The following SLC2A9 variants were observed in gnomAD, a reference collection of about 807,000 sequenced individuals.
SLC2A9 encodes solute carrier family 2, facilitated glucose transporter member 9.
SLC2A9 carries 39 observed loss-of-function variants against 50.6 expected under a neutral mutation model. The ratio of observed to expected loss-of-function variants is 0.77; its 90% CI spans 0.60 to 1.01. SLC2A9 has a LOEUF of 1.01. SLC2A9 is among the 50% of genes least tolerant of loss of function. The pLI is 0.00. For synonymous variants in SLC2A9, 324 were observed against 276.9 expected, an observed-to-expected ratio of 1.17 and a Z score of -1.69; for missense variants, 686 against 677.6, an observed-to-expected ratio of 1.01 and a Z score of -0.14.
chr4:10,038,067 C>T (rs1333850721), intron 1 of SLC2A9, among the ~76,000 whole-genome samples: 2 of 152,034 alleles, frequency 1.3e-5, no homozygotes, highest in African/African-American at 2.4e-5. Context: ...ACAAGGTGTC[C>T]CCATCACACT....
chr4:9,793,621 T>C (rs909123671), intron 3 of SLC2A9, among the ~76,000 whole-genome samples: 6 of 152,240 alleles, frequency 3.9e-5, no homozygotes, highest in East Asian at 3.8e-4. Flanking sequence ...GGAATGTTAA[T>C]TTACAACTGG....
intron 6 of SLC2A9, among the ~76,000 whole-genome samples, chr4:9,933,905 C>A (rs1379873445): frequency 6.6e-6 from 1 of 152,182 alleles, no homozygotes; most frequent in Non-Finnish European, 1.5e-5. Flanking sequence ...TCTCAGATTG[C>A]CACTTCTCTG....
chr4:9,799,692 A>ACCCTCCCC (rs59100769), intron 3 of SLC2A9, among the ~76,000 whole-genome samples: 2 of 69,810 alleles, frequency 2.9e-5, no homozygotes, highest in East Asian at 4.8e-4. Flanking sequence ...TTCCAATTGT[A>ACCCTCCCC]CCCCCCCCCC....
chr4:9,841,023 A>G (rs890235734), intron 10 of SLC2A9, among the ~76,000 whole-genome samples: 2 of 152,158 alleles, frequency 1.3e-5, no homozygotes, highest in Non-Finnish European at 2.9e-5. Flanking sequence ...CCATGATTCA[A>G]TCACCTCCTA....
intron 1 of SLC2A9, among the ~76,000 whole-genome samples, chr4:10,038,174 T>C (rs926762015): frequency 3.3e-5 from 5 of 151,944 alleles, no homozygotes; most frequent in Non-Finnish European, 5.9e-5. Context: ...ATAGTATGTG[T>C]ATATTTGTGA....
chr4:9,949,081 C>A (rs12498956), intron 5 of SLC2A9, among the ~76,000 whole-genome samples: 74,083 of 152,094 alleles, frequency 0.49, 19,429 homozygotes, highest in African/African-American at 0.67. Flanking sequence ...CATCCTTTAC[C>A]TTATAGCATT....
At chr4:9,984,432 G>C (rs1005533071) in intron 4 of SLC2A9, among the ~76,000 whole-genome samples, 1 of 149,328 alleles carries the variant, frequency 6.7e-6, no homozygotes, top group African/African-American at 2.4e-5. Context: ...GAGAGAGACA[G>C]AGAGAGAGAG....
chr4:9,878,965 T>C (rs1288176956), intron 10 of SLC2A9: 1 of 873,906 alleles, frequency 1.1e-6, no homozygotes, highest in Non-Finnish European at 1.4e-6. Flanking sequence ...GCTGTGGTGG[T>C]AGAAAACACC....
rs748137908 is a variant in SLC2A9 at position 9,985,659 on chromosome 4, G to A, written c.535+10C>T. 1 of 1,613,978 alleles carries A rather than the reference G, an allele frequency of 6.2e-7. No homozygotes were observed. Among genetic ancestry groups the A allele is most frequent in the South Asian group, 1.1e-5 (1 of 91,072 alleles). On this transcript the variant is annotated intron_variant, in intron 4 of 11. Transcript: ENST00000264784. ...GTTACTGTTCCCTCCCCGTCATGGT[G>A]AACTCTCACCTCCATCTATGCCCAT...
intron 1 of SLC2A9, among the ~76,000 whole-genome samples, chr4:10,032,967 A>G (rs1224072894): frequency 6.6e-6 from 1 of 152,118 alleles, no homozygotes; most frequent in Admixed American, 6.5e-5. Flanking sequence ...GAGTGCTGCA[A>G]TTAAAAAGAT....
At position 9,970,876 on chromosome 4, in the gene SLC2A9, C is replaced by T. The variant is rs563598993; in HGVS notation, c.681+9716G>A. On this transcript the variant is annotated intron_variant, in intron 5 of 11. Coordinates refer to ENST00000264784, the MANE Select transcript of SLC2A9 (RefSeq NM_020041.3). The stretch of plus-strand genomic sequence containing the variant: ...TAAACCTAGTAGTTAAAATTCCACC[C>T]CTGACCTAGCAACTGATGTTATCTA... 4.6e-5 allele frequency among the ~76,000 whole-genome samples: 7 copies of T among 152,308 alleles called. 1 individual carries two copies. In the South Asian group the frequency reaches 1.5e-3, roughly 32 times the overall value.
At chr4:9,783,492 T>C in intron 3 of SLC2A9, 2 of 1,568,330 alleles carry the variant, frequency 1.3e-6, no homozygotes, top group Non-Finnish European at 1.7e-6. Context: ...CTCATGGATC[T>C]GCATAACCGC....
chr4:9,920,440 T>C lies in SLC2A9; in HGVS notation c.947A>G (p.Gln316Arg). The change falls in exon 7 of 12, where the codon CAG becomes CGG. Residue 316 changes from glutamine (Q) to arginine (R), a missense_variant. Gln to Arg is a conservative substitution (Grantham distance 43). Transcript: ENST00000264784. Reference sequence around the variant, plus strand: ...CATGGTGACAATCACGGTGACCACCTGCCAGCGGACGTAGGGAGCTCTCAG... The same window carrying C: ...CATGGTGACAATCACGGTGACCACCCGCCAGCGGACGTAGGGAGCTCTCAG... ...ELLRAPYVRW[Q>R]VVTVIVTMAC... The C allele has an allele frequency of 1.9e-6, 3 of 1,614,184 alleles. No individual in the cohort carries two copies. The highest frequency in any genetic ancestry group is 1.1e-5 in the South Asian group (1 of 91,082).
rs537804847 is a variant in SLC2A9, at chr4:9,802,915, C to T, written n.421-3674G>A. Among the ~76,000 whole-genome samples, 5 of 152,306 alleles carry T rather than the reference C, an allele frequency of 3.3e-5. No individual in the cohort carries two copies. The South Asian group carries it at 8.3e-4, about 25-fold the overall frequency. On this transcript the variant is annotated intron_variant and non_coding_transcript_variant, in intron 3 of 3. Transcript: ENST00000503280. ...TATCCAGGAATATTTCCCAATTGTA[C>T]TCTATCACAGAACCCTTTCCGAAGA...
At chr4:9,878,354 C>T (rs1340803278) in intron 10 of SLC2A9, among the ~76,000 whole-genome samples, 2 of 152,056 alleles carry the variant, frequency 1.3e-5, no homozygotes, top group Admixed American at 1.3e-4. Flanking sequence ...CCTTCAGCTC[C>T]ATCTTCCAGC....
intron 10 of SLC2A9, chr4:9,880,333 T>C: frequency 3.0e-6 from 3 of 985,504 alleles, no homozygotes; most frequent in African/African-American, 1.7e-5. Context: ...GGGTTGAAGA[T>C]GGATTGAGGA....
In SLC2A9 at chr4:9,980,662, A is replaced by G; in HGVS notation, c.611T>C (p.Val204Ala). The G allele has an allele frequency of 6.2e-7, 1 of 1,614,194 alleles. No individual in the cohort carries two copies. Among genetic ancestry groups the G allele is most frequent in the Non-Finnish European group, 8.5e-7 (1 of 1,180,038 alleles). Residue 204 changes from valine (V) to alanine (A), a missense_variant, in exon 5 of 12, where the codon GTG becomes GCG. By Grantham distance (64) the Val-to-Ala change is moderately conservative. Coordinates refer to ENST00000264784, the MANE Select transcript of SLC2A9 (RefSeq NM_020041.3). ...PKEIRGSLGQ[V>A]TAIFICIGVF... ...GCCAATGCAGATAAAGATGGCAGTC[A>G]CCTGCCCCAGAGAGCCACGGATCTC... is the stretch of plus-strand genomic sequence containing the variant.
intron 3 of SLC2A9, among the ~76,000 whole-genome samples, chr4:9,992,008 CA>C (rs1757795052): frequency 6.6e-6 from 1 of 152,222 alleles, no homozygotes; most frequent in Non-Finnish European, 1.5e-5. Flanking sequence ...CTATAAAATA[CA>C]GATGCCTTTT....
At chr4:9,878,503 C>T (rs979033220) in intron 10 of SLC2A9, among the ~76,000 whole-genome samples, 2 of 152,122 alleles carry the variant, frequency 1.3e-5, no homozygotes, top group Admixed American at 6.5e-5. Context: ...GGTAAACGCA[C>T]TGAAGTGCTG....
Sources: allele counts gnomAD v4.1 joint callset (sites outside exome capture counted in the v4.1 genomes callset), GRCh38; gene constraint gnomAD v4.1.1; transcripts MANE v1.5; gene names NCBI Gene and HGNC (gene_info 2026-07-23, HGNC 2026-07-21).